The following BCL11B variants were observed in gnomAD, a reference collection of about 807,000 sequenced individuals.
BCL11B encodes B-cell lymphoma/leukemia 11B.
BCL11B carries 8 observed loss-of-function variants against 49.9 expected under a neutral mutation model. That is an observed-to-expected ratio of 0.16 (90% CI 0.09 to 0.29). BCL11B has a LOEUF of 0.29. Ranked by LOEUF, BCL11B falls within the 10% of genes least tolerant of loss-of-function variation. The probability of loss-of-function intolerance (pLI) is 1.00; values close to 1 mark genes in which losing one functional copy is unlikely to be tolerated. For missense variants in BCL11B, 1,006 were observed against 1,351.0 expected, an observed-to-expected ratio of 0.74 and a Z score of 4.00; for synonymous variants, 739 against 637.4, an observed-to-expected ratio of 1.16 and a Z score of -2.40.
Position 99,176,013 on chromosome 14 carries a change from C to G in BCL11B, c.823G>C (p.Ala275Pro). 1.3e-6 allele frequency: 2 copies of G among 1,559,286 alleles called. No individual in the cohort carries two copies. Among genetic ancestry groups the G allele is most frequent in the Non-Finnish European group, 1.7e-6 (2 of 1,153,544 alleles). The change falls in exon 4 of 4, where the codon GCG (alanine) becomes CCG (proline). Residue 275 changes from alanine to proline, a missense_variant. This residue lies in a region of BCL11B where 411 missense variants were observed against 542.2 expected (regional missense o/e 0.76). Coordinates refer to ENST00000357195, the MANE Select transcript of BCL11B (RefSeq NM_138576.4). Reference protein sequence around the residue: ...IPPPLGPEAVAQSPLMNFLGD... With the variant: ...IPPPLGPEAVPQSPLMNFLGD... ...AGGAAATTCATGAGCGGGGACTGCG[C>G]CACGGCCTCCGGCCCGAGCGGCGGC... is the stretch of plus-strand genomic sequence containing the variant.
chr14:99,212,655 G>A (rs531773972), intron 3 of BCL11B, among the ~76,000 whole-genome samples: 49 of 152,200 alleles, frequency 3.2e-4, no homozygotes, highest in African/African-American at 1.1e-3. Flanking sequence ...CAGGTGACAC[G>A]GACCTCAGCC....
At chr14:99,219,617 T>C (rs1019153250) in intron 3 of BCL11B, among the ~76,000 whole-genome samples, 2 of 151,926 alleles carry the variant, frequency 1.3e-5, no homozygotes, top group Admixed American at 6.6e-5. Context: ...GGACACCGAG[T>C]GAGCTCTATC....
chr14:99,212,343 C>T (rs552708907), intron 3 of BCL11B, among the ~76,000 whole-genome samples: 46 of 152,356 alleles, frequency 3.0e-4, no homozygotes, highest in African/African-American at 1.1e-3. Flanking sequence ...CCTGCAGCCT[C>T]CCCTGGGCCT....
intron 3 of BCL11B, among the ~76,000 whole-genome samples, chr14:99,182,505 A>T (rs940275917): frequency 6.6e-6 from 1 of 152,334 alleles, no homozygotes; most frequent in African/African-American, 2.4e-5. Context: ...AAAAATGTCA[A>T]GATGTGTTGC....
At position 99,241,621 on chromosome 14, in the gene BCL11B, C is replaced by T; in HGVS notation, c.428-10064G>A. ...CGGCCAAGTGCAAACAAAAATGAGA[C>T]CTTTCTTCTCTAAACCTGCTTGCTA... is the stretch of plus-strand genomic sequence containing the variant. On this transcript the variant is annotated intron_variant, in intron 2 of 3. Coordinates refer to ENST00000357195, the MANE Select transcript of BCL11B (RefSeq NM_138576.4). The surrounding 1 kb of genome is among the most constrained non-coding windows in gnomAD (Gnocchi z 4.4). Among the ~76,000 whole-genome samples, 1 of 152,124 alleles carries T rather than the reference C, an allele frequency of 6.6e-6. No homozygotes were observed. Among genetic ancestry groups the T allele is most frequent in the East Asian group, 1.9e-4 (1 of 5,190 alleles).
intron 2 of BCL11B, among the ~76,000 whole-genome samples, chr14:99,240,774 C>T (rs575531499): frequency 1.2e-4 from 18 of 152,252 alleles, no homozygotes; most frequent in African/African-American, 3.6e-4. Flanking sequence ...TAACACTTCG[C>T]GGGACTAATT....
At position 99,232,893 on chromosome 14, in the gene BCL11B, C is replaced by T. The variant is rs1888379417; in HGVS notation, c.428-1336G>A. ...TCAGGGCATTTAAGAAGACCCCCTG[C>T]TTAGGGATTGCAAGCTGTCAGTGTC... is the stretch of plus-strand genomic sequence containing the variant. On this transcript the variant is annotated intron_variant, in intron 2 of 3. Transcript: ENST00000357195. The surrounding 1 kb of genome is among the most constrained non-coding windows in gnomAD (Gnocchi z 5.1). Among the ~76,000 whole-genome samples the T allele has an allele frequency of 6.6e-6, 1 of 152,188 alleles. No homozygotes were observed. Among genetic ancestry groups the T allele is most frequent in the South Asian group, 2.1e-4 (1 of 4,834 alleles).
chr14:99,244,788 C>G (rs1428753029), intron 2 of BCL11B, among the ~76,000 whole-genome samples: 1 of 152,236 alleles, frequency 6.6e-6, no homozygotes, highest in Non-Finnish European at 1.5e-5. Flanking sequence ...AAAATCAACT[C>G]TTACTCAAAA....
At position 99,242,285 on chromosome 14, in the gene BCL11B, T is replaced by A. The variant is rs7145506; in HGVS notation, c.428-10728A>T. Among the ~76,000 whole-genome samples the A allele has an allele frequency of 9.3e-4, 142 of 152,242 alleles. 1 individual carries two copies. The highest frequency in any genetic ancestry group is 3.3e-3 in the African/African-American group (137 of 41,532). On this transcript the variant is annotated intron_variant, in intron 2 of 3. Transcript: ENST00000357195. This position sits in a 1 kb window ranked among gnomAD's most constrained non-coding sequence, Gnocchi z 4.4. ...TTTACATGGGCGTTGCATGATCTTG[T>A]CCCCCTGCTTCCCTACCTTTTCTCG...
At chr14:99,254,018 G>A (rs1478641394) in intron 2 of BCL11B, among the ~76,000 whole-genome samples, 2 of 152,196 alleles carry the variant, frequency 1.3e-5, no homozygotes, top group African/African-American at 4.8e-5. Flanking sequence ...GCAGGGAGTG[G>A]AGCCCTGGAT....
rs1167498487 is a variant in BCL11B, at chr14:99,170,614, A to G, written c.*3537T>C. ...CAATGGAGGATGAAGGATGGAGAGG[A>G]AACGCAGGGGAAGGAGAGAGAACGA... On this transcript the variant is annotated 3_prime_UTR_variant, in exon 4 of 4. Transcript: ENST00000357195. 8.6e-6 allele frequency: 2 copies of G among 232,960 alleles called. No homozygotes were observed. The highest frequency in any genetic ancestry group is 1.7e-5 in the Non-Finnish European group (2 of 117,650). 14.4% of individuals were successfully genotyped at this position (232,960 alleles called of 1,614,324 possible).
At chr14:99,260,759 T>C (rs1424462214) in intron 1 of BCL11B, among the ~76,000 whole-genome samples, 5 of 152,030 alleles carry the variant, frequency 3.3e-5, no homozygotes, top group African/African-American at 7.2e-5. Context: ...GTAATTGAGT[T>C]TGAAGGTGTC....
At position 99,169,402 on chromosome 14, in the gene BCL11B, C is replaced by T. The variant is rs1595208475; in HGVS notation, c.*4749G>A. The T allele has an allele frequency of 5.1e-6, 1 of 195,226 alleles. No individual in the cohort carries two copies. The allele number at this position is 195,226 out of a possible 1,614,324, so 12.1% of individuals were successfully genotyped here. ...ACACATGCTGAACTCAACATTGTGA[C>T]ATTAAGGAAAAAAAGAGGCCCAAAA... is the stretch of plus-strand genomic sequence containing the variant. On this transcript the variant is annotated 3_prime_UTR_variant, in exon 4 of 4. Coordinates refer to ENST00000357195, the MANE Select transcript of BCL11B (RefSeq NM_138576.4).
chr14:99,220,753 T>TA (rs1306032741), intron 3 of BCL11B, among the ~76,000 whole-genome samples: 1 of 152,174 alleles, frequency 6.6e-6, no homozygotes, highest in Non-Finnish European at 1.5e-5. Flanking sequence ...TTACCACAAT[T>TA]AAAAAAACTC....
chr14:99,228,841 G>A lies in BCL11B; in HGVS notation c.640+2504C>T, dbSNP rs894949459. 2.6e-5 allele frequency among the ~76,000 whole-genome samples: 4 copies of A among 152,242 alleles called. No homozygotes were observed. Among genetic ancestry groups the A allele is most frequent in the African/African-American group, 7.2e-5 (3 of 41,460 alleles). ...GCTGCACGAGGGCAGGGACCTGCCTGCCGACTCTTCCTGTGTGTGCACAGT... is the reference window on the plus strand; with the variant it reads ...GCTGCACGAGGGCAGGGACCTGCCTACCGACTCTTCCTGTGTGTGCACAGT... On this transcript the variant is annotated intron_variant, in intron 3 of 3. Transcript: ENST00000357195. The surrounding 1 kb of genome is among the most constrained non-coding windows in gnomAD (Gnocchi z 4.8).
At chr14:99,223,198 T>C (rs937421216) in intron 3 of BCL11B, among the ~76,000 whole-genome samples, 11 of 152,258 alleles carry the variant, frequency 7.2e-5, no homozygotes, top group Admixed American at 2.6e-4. Context: ...CAGCTTTCTG[T>C]ATTCTAGAAA....
intron 3 of BCL11B, among the ~76,000 whole-genome samples, chr14:99,177,176 G>A (rs1000888467): frequency 6.6e-6 from 1 of 151,940 alleles, no homozygotes; most frequent in Non-Finnish European, 1.5e-5. Flanking sequence ...GGGAAGGCGG[G>A]GGCACACTGG....
chr14:99,191,171 C>T (rs1249558369), intron 3 of BCL11B, among the ~76,000 whole-genome samples: 1 of 151,460 alleles, frequency 6.6e-6, no homozygotes, highest in African/African-American at 2.4e-5. Context: ...AAACCTGCGG[C>T]AATATTTGGA....
intron 2 of BCL11B, among the ~76,000 whole-genome samples, chr14:99,234,527 G>A (rs1001985034): frequency 2.6e-5 from 4 of 152,242 alleles, no homozygotes; most frequent in East Asian, 1.9e-4. Flanking sequence ...CTTGAGGACC[G>A]AGAGGACTGG....
Sources: gnomAD v4.1 joint callset for allele counts (sites outside exome capture counted in the v4.1 genomes callset) on GRCh38, gnomAD v4.1.1 for gene constraint, gnomAD v4.1.1 regional missense constraint, Gnocchi (gnomAD v3.1) non-coding constraint, MANE v1.5 for transcripts, NCBI Gene and HGNC (gene_info 2026-07-23, HGNC 2026-07-21) for gene names.